ARFGEF1: variants seen among roughly 807,000 people sequenced by gnomAD.
The protein encoded by ARFGEF1 is brefeldin A-inhibited guanine nucleotide-exchange protein 1.
A neutral mutation model predicts 231.0 loss-of-function variants in ARFGEF1; 42 were observed. The observed-to-expected ratio is 0.18, with a 90% confidence interval of 0.14 to 0.24. ARFGEF1 has a LOEUF of 0.24. Among genes scored for constraint, ARFGEF1 ranks in the 10% least tolerant of loss-of-function variants. The pLI is 1.00. For missense variants in ARFGEF1, 1,345 were observed against 2,192.0 expected (o/e 0.61, Z 7.72); for synonymous variants, 710 against 732.3 (o/e 0.97, Z 0.49).
downstream of ARFGEF1, among the ~76,000 whole-genome samples, chr8:67,197,282 A>C (rs945872091): frequency 3.4e-5 from 5 of 145,826 alleles, no homozygotes; most frequent in East Asian, 2.0e-4. Flanking sequence ...TCCCATCTCT[A>C]AAAAAAAAAA....
intron 23 of ARFGEF1, among the ~76,000 whole-genome samples, chr8:67,231,173 A>T (rs1310772410): frequency 6.6e-6 from 1 of 152,104 alleles, no homozygotes; most frequent in Non-Finnish European, 1.5e-5. Flanking sequence ...CAAAGTTTGA[A>T]CATAACGATA....
intron 36 of ARFGEF1, among the ~76,000 whole-genome samples, chr8:67,202,286 G>A (rs1405105581): frequency 1.3e-5 from 2 of 151,798 alleles, no homozygotes; most frequent in African/African-American, 4.8e-5. Flanking sequence ...AAGAGATGGG[G>A]TCTCACTGTG....
intron 3 of ARFGEF1, 26 bp downstream of exon 3, chr8:67,301,198 T>TCTC: frequency 6.4e-7 from 1 of 1,561,600 alleles, no homozygotes; most frequent in Admixed American, 2.0e-5. Context: ...GTACACAGTT[T>TCTC]TTAGAAAGTG....
At chr8:67,241,254 G>T (rs554771812) in intron 19 of ARFGEF1, among the ~76,000 whole-genome samples, 25 of 151,788 alleles carry the variant, frequency 1.6e-4, no homozygotes, top group Admixed American at 1.5e-3. Flanking sequence ...TCTCAGCTCC[G>T]CCACTTATTT....
rs1447899720 is a variant in ARFGEF1 at position 67,310,409 on chromosome 8, C to G, written c.125-7943G>C. 2.0e-5 allele frequency among the ~76,000 whole-genome samples: 3 copies of G among 152,216 alleles called. No homozygotes were observed. The East Asian group carries it at 5.8e-4, about 29-fold the overall frequency. ...CTCGTTCACTCAGTGCTCAATAGTGCCCAGGCTGGAGTGCAGTGGCGTGAT... is the reference window on the plus strand; with the variant it reads ...CTCGTTCACTCAGTGCTCAATAGTGGCCAGGCTGGAGTGCAGTGGCGTGAT... On this transcript the variant is annotated intron_variant, in intron 1 of 38. Coordinates refer to ENST00000262215, the MANE Select transcript of ARFGEF1 (RefSeq NM_006421.5).
intron 22 of ARFGEF1, among the ~76,000 whole-genome samples, chr8:67,236,234 C>T (rs1587103998): frequency 1.4e-5 from 2 of 142,336 alleles, no homozygotes; most frequent in East Asian, 4.3e-4. Flanking sequence ...AGGGGAATCA[C>T]TTGAACCCAG....
At chr8:67,332,048 T>C (rs535829783) in intron 1 of ARFGEF1, among the ~76,000 whole-genome samples, 2 of 151,796 alleles carry the variant, frequency 1.3e-5, no homozygotes, top group African/African-American at 4.8e-5. Context: ...GTCCCCAAAC[T>C]CAAAAATATT....
At chr8:67,320,403 G>A (rs1807531627) in intron 1 of ARFGEF1, among the ~76,000 whole-genome samples, 1 of 152,070 alleles carries the variant, frequency 6.6e-6, no homozygotes, top group African/African-American at 2.4e-5. Context: ...TACACCGTTG[G>A]TAGAAATGCA....
chr8:67,289,206 A>G (rs1398970779), intron 6 of ARFGEF1, among the ~76,000 whole-genome samples: 3 of 152,146 alleles, frequency 2.0e-5, no homozygotes, highest in Admixed American at 6.6e-5. Flanking sequence ...ATCAGACAGC[A>G]TATTAGCTGA....
chr8:67,178,076 C>T (rs1832118433), intron 5 of ARFGEF1, among the ~76,000 whole-genome samples: 1 of 152,004 alleles, frequency 6.6e-6, no homozygotes, highest in Non-Finnish European at 1.5e-5. Flanking sequence ...ACAGGCCTGG[C>T]ATATAAGTTT....
chr8:67,199,357 T>C (rs958929836), intron 38 of ARFGEF1: 3 of 331,612 alleles, frequency 9.0e-6, no homozygotes, highest in African/African-American at 6.6e-5. Context: ...AATTTAGCAC[T>C]GTTTTTCCTG....
At chr8:67,192,365 G>A (rs746819561) in intron 5 of ARFGEF1, among the ~76,000 whole-genome samples, 7 of 152,134 alleles carry the variant, frequency 4.6e-5, no homozygotes, top group Non-Finnish European at 1.0e-4. Flanking sequence ...ATGAGCCACC[G>A]CGCCCAGCCC....
At chr8:67,218,211 T>TAA (rs1839020575) in intron 30 of ARFGEF1, 73 bp from the exon 31 acceptor site, 1 of 134,982 alleles carries the variant, frequency 7.4e-6, no homozygotes, top group African/African-American at 4.0e-5. Flanking sequence ...AAAAAAAATA[T>TAA]ATATATATAT....
intron 16 of ARFGEF1, 33 bp downstream of exon 16, chr8:67,258,052 C>T (rs746932329): frequency 4.5e-6 from 7 of 1,564,510 alleles, no homozygotes; most frequent in Admixed American, 1.7e-5. Flanking sequence ...TTGGATATAA[C>T]AGACAATCAA....
At chr8:67,177,821 A>T in intron 5 of ARFGEF1, 1 of 876,850 alleles carries the variant, frequency 1.1e-6, no homozygotes. Flanking sequence ...TGAATTATTC[A>T]GGAATATTGA....
intron 5 of ARFGEF1, among the ~76,000 whole-genome samples, chr8:67,180,122 G>C (rs747943760): frequency 1.3e-5 from 2 of 152,036 alleles, no homozygotes; most frequent in Non-Finnish European, 2.9e-5. Context: ...AAAAGTCTTA[G>C]GAATAGTTGA....
chr8:67,211,043 CA>C (rs112619283), intron 34 of ARFGEF1, among the ~76,000 whole-genome samples: 5,066 of 87,940 alleles, frequency 0.058, 197 homozygotes, highest in African/African-American at 0.14. Context: ...GACTCCGTCT[CA>C]AAAAAAAAAA....
intron 5 of ARFGEF1, among the ~76,000 whole-genome samples, chr8:67,184,147 C>T (rs1833780579): frequency 6.6e-6 from 1 of 152,062 alleles, no homozygotes; most frequent in African/African-American, 2.4e-5. Flanking sequence ...GCCACTGCGC[C>T]CGGCCAAAAA....
chr8:67,201,634 G>A lies in ARFGEF1; in HGVS notation c.5129-29C>T, dbSNP rs759020536. 3 of 1,612,192 alleles carry A rather than the reference G, an allele frequency of 1.9e-6. No homozygotes were observed. In the South Asian group the frequency reaches 3.3e-5, roughly 18 times the overall value. On this transcript the variant is annotated intron_variant, in intron 36 of 38. Coordinates refer to ENST00000262215, the MANE Select transcript of ARFGEF1 (RefSeq NM_006421.5). The stretch of plus-strand genomic sequence containing the variant: ...CAGAAAAGGGAAGTTTCTGGGATTA[G>A]TTTGGGAAGGCATCTTATGTAAAGG...
Sources: gnomAD v4.1 joint callset for allele counts (sites outside exome capture counted in the v4.1 genomes callset) on GRCh38, gnomAD v4.1.1 for gene constraint, MANE v1.5 for transcripts, NCBI Gene and HGNC (gene_info 2026-07-23, HGNC 2026-07-21) for gene names.